HOOK3: variants seen among roughly 807,000 people sequenced by gnomAD.
HOOK3 encodes protein Hook homolog 3.
A neutral mutation model predicts 116.3 loss-of-function variants in HOOK3; 24 were observed. That is an observed-to-expected ratio of 0.21 (90% CI 0.15 to 0.29). The LOEUF is 0.29. Among genes scored for constraint, HOOK3 ranks in the 10% least tolerant of loss-of-function variants. The pLI is 1.00. For missense variants in HOOK3, 632 were observed against 830.2 expected (o/e 0.76, Z 2.93); for synonymous variants, 275 against 283.0 (o/e 0.97, Z 0.28).
In HOOK3 at chr8:43,028,268, C is replaced by T. The variant is rs1429409839; in HGVS notation, c.*9770C>T. 1 of 184,350 alleles carries T rather than the reference C, an allele frequency of 5.4e-6. No individual in the cohort carries two copies. The highest frequency in any genetic ancestry group is 1.1e-5 in the Non-Finnish European group (1 of 86,974). 11.4% of individuals were successfully genotyped at this position (184,350 alleles called of 1,614,324 possible). ...ACTCCAGAGGTCGAGGCAGGAGCAT[C>T]GCTTAAGCCCAGGAGGTTCAGGCTG... On this transcript the variant is annotated 3_prime_UTR_variant, in exon 22 of 22. Transcript: ENST00000307602.
Position 43,018,712 on chromosome 8 carries a change from C to A in HOOK3, c.*214C>A. 2.3e-6 allele frequency: 1 copy of A among 438,474 alleles called. No individual in the cohort carries two copies. The highest frequency in any genetic ancestry group is 3.9e-6 in the Non-Finnish European group (1 of 253,812). The allele number at this position is 438,474 out of a possible 1,614,324, so 27.2% of individuals were successfully genotyped here. ...AGTCCTTTCAGTTATTTTTAATGTG[C>A]CAAAAATTTGTACATGTTCAATTAA... On this transcript the variant is annotated 3_prime_UTR_variant, in exon 22 of 22. Coordinates refer to ENST00000307602, the MANE Select transcript of HOOK3 (RefSeq NM_032410.4).
intron 11 of HOOK3, among the ~76,000 whole-genome samples, chr8:42,972,133 G>C (rs1189233944): frequency 2.0e-5 from 3 of 151,932 alleles, no homozygotes; most frequent in Non-Finnish European, 4.4e-5. Flanking sequence ...AGTCTTGTTC[G>C]TTGTGGCATT....
At position 42,997,596 on chromosome 8, in the gene HOOK3, T is replaced by A; in HGVS notation, c.1579T>A (p.Leu527Ile). The change falls in exon 16 of 22, where the codon TTA becomes ATA. Residue 527 changes from leucine (L) to isoleucine (I), a missense_variant. Leu to Ile is a conservative substitution (Grantham distance 5). This residue lies in a region of HOOK3 where 483 missense variants were observed against 648.1 expected (regional missense o/e 0.75). Coordinates refer to ENST00000307602, the MANE Select transcript of HOOK3 (RefSeq NM_032410.4). Reference protein sequence around the residue: ...LLEVQSQVEELQKSLQDQGSK... With the variant: ...LLEVQSQVEEIQKSLQDQGSK... Reference sequence around the variant, plus strand: ...GGAAGTACAGTCACAAGTTGAAGAATTACAAAAATCTTTACAGGATCAAGG... The same window carrying A: ...GGAAGTACAGTCACAAGTTGAAGAAATACAAAAATCTTTACAGGATCAAGG... The A allele has an allele frequency of 6.2e-7, 1 of 1,611,158 alleles. No individual in the cohort carries two copies. The highest frequency in any genetic ancestry group is 8.5e-7 in the Non-Finnish European group (1 of 1,177,734).
At chr8:42,897,262 G>C in intron 1 of HOOK3, 74 bp downstream of exon 1, 2 of 1,070,416 alleles carry the variant, frequency 1.9e-6, no homozygotes, top group Non-Finnish European at 2.4e-6. Context: ...CGCGCGGCCC[G>C]TGGGGCGAGC....
At chr8:42,976,765 C>T (rs947616675) in intron 13 of HOOK3, among the ~76,000 whole-genome samples, 8 of 151,806 alleles carry the variant, frequency 5.3e-5, no homozygotes, top group Non-Finnish European at 1.0e-4. Flanking sequence ...GGCATGGTGG[C>T]GGGTGCCTAT....
chr8:42,943,290 AT>A (rs2130385825), intron 4 of HOOK3, 22 bp from the exon 5 acceptor site: 1 of 1,400,322 alleles, frequency 7.1e-7, no homozygotes, highest in Non-Finnish European at 9.5e-7. Flanking sequence ...AAATGCAATT[AT>A]AATCCTTTTA....
chr8:43,010,488 A>C, intron 19 of HOOK3, 83 bp downstream of exon 19: 1 of 363,060 alleles, frequency 2.8e-6, no homozygotes, highest in South Asian at 4.3e-5. Context: ...CGGACACTAC[A>C]GCAACTTCTT....
At chr8:43,006,431 T>C (rs1433024074) in intron 17 of HOOK3, among the ~76,000 whole-genome samples, 1 of 151,638 alleles carries the variant, frequency 6.6e-6, no homozygotes. Flanking sequence ...TCTCCCACCT[T>C]AGCCTCCCGA....
intron 6 of HOOK3, among the ~76,000 whole-genome samples, chr8:42,956,745 C>A (rs563599164): frequency 1.8e-4 from 27 of 152,206 alleles, no homozygotes; most frequent in African/African-American, 6.0e-4. Context: ...CCACCATGCC[C>A]AGCTAATTTT....
chr8:42,964,399 A>T lies in HOOK3; in HGVS notation c.704A>T (p.Asp235Val). The T allele has an allele frequency of 9.9e-6, 16 of 1,614,102 alleles. No homozygotes were observed. The highest frequency in any genetic ancestry group is 1.4e-5 in the Non-Finnish European group (16 of 1,179,948). The change falls in exon 9 of 22, where the codon GAC becomes GTC. Residue 235 changes from aspartate (D) to valine (V), a missense_variant. By Grantham distance (152) the Asp-to-Val change is radical. This residue lies in a region of HOOK3 where 483 missense variants were observed against 648.1 expected (regional missense o/e 0.75). Coordinates refer to ENST00000307602, the MANE Select transcript of HOOK3 (RefSeq NM_032410.4). The stretch of plus-strand genomic sequence containing the variant: ...CTCAATCAATCTGATTCTATAGAAG[A>T]CCCTAACAGTCCAGCAGGAAGAAGG... ...ERLNQSDSIE[D>V]PNSPAGRRHL...
At chr8:42,982,236 CAG>C (rs1808963403) in intron 13 of HOOK3, among the ~76,000 whole-genome samples, 1 of 115,028 alleles carries the variant, frequency 8.7e-6, no homozygotes, top group Non-Finnish European at 1.7e-5. Context: ...GCCTGGGCAA[CAG>C]AGTGAGACTC....
intron 1 of HOOK3, among the ~76,000 whole-genome samples, chr8:42,903,612 G>A (rs562803337): frequency 6.6e-6 from 1 of 150,856 alleles, no homozygotes; most frequent in South Asian, 2.1e-4. Context: ...CAAAGTGCTG[G>A]GATTACAGAC....
intron 4 of HOOK3, among the ~76,000 whole-genome samples, chr8:42,939,816 G>T (rs12015278): frequency 2.0e-5 from 3 of 150,408 alleles, no homozygotes; most frequent in African/African-American, 4.9e-5. Flanking sequence ...CGGGGCGGCC[G>T]GGCAGAGACG....
chr8:43,017,731 T>C (rs1809750266), intron 21 of HOOK3, among the ~76,000 whole-genome samples: 1 of 152,206 alleles, frequency 6.6e-6, no homozygotes, highest in African/African-American at 2.4e-5. Context: ...TCCTCCCTCC[T>C]GTTAAGGTGC....
chr8:42,970,873 G>A (rs1187902208), intron 11 of HOOK3, among the ~76,000 whole-genome samples: 1 of 140,072 alleles, frequency 7.1e-6, no homozygotes. Flanking sequence ...CTGCAGCCTC[G>A]ACCCCCCAGG....
chr8:42,992,615 C>G (rs918379391), intron 15 of HOOK3, among the ~76,000 whole-genome samples: 17 of 147,346 alleles, frequency 1.2e-4, no homozygotes, highest in Admixed American at 2.1e-4. Context: ...ACTCAGAGGG[C>G]TGAGGCAGGA....
intron 2 of HOOK3, among the ~76,000 whole-genome samples, chr8:42,914,540 A>G (rs1055871770): frequency 1.3e-5 from 2 of 152,232 alleles, no homozygotes; most frequent in African/African-American, 4.8e-5. Flanking sequence ...TCTAGCACTG[A>G]TGGGACTTCA....
At chr8:43,012,391 A>G (rs1264276811) in intron 19 of HOOK3, among the ~76,000 whole-genome samples, 1 of 152,228 alleles carries the variant, frequency 6.6e-6, no homozygotes, top group Non-Finnish European at 1.5e-5. Context: ...TCAGCTCCTT[A>G]TAATCTTACG....
At chr8:42,970,925 C>T (rs536074993) in intron 11 of HOOK3, among the ~76,000 whole-genome samples, 4 of 151,476 alleles carry the variant, frequency 2.6e-5, no homozygotes, top group Admixed American at 6.6e-5. Flanking sequence ...ATAGCTAGGA[C>T]CACAAGTGTG....
Sources: allele counts gnomAD v4.1 joint callset (sites outside exome capture counted in the v4.1 genomes callset), GRCh38; gene constraint gnomAD v4.1.1; regional missense constraint gnomAD v4.1.1; transcripts MANE v1.5; gene names NCBI Gene and HGNC (gene_info 2026-07-23, HGNC 2026-07-21).